The following RPSA2 variants were observed in gnomAD, a reference collection of about 807,000 sequenced individuals.
RPSA2 encodes the protein ribosomal protein SA 2.
At chr19:23,845,755 G>C in the RPSA2 span, among the ~76,000 whole-genome samples, 1 of 152,186 alleles carries the variant, frequency 6.6e-6, no homozygotes, top group Non-Finnish European at 1.5e-5. Flanking sequence ...GCCTCACAAA[G>C]TGCTGGGATT....
At chr19:23,826,960 G>A in the RPSA2 span, 5 of 577,030 alleles carry the variant, frequency 8.7e-6, no homozygotes, top group Non-Finnish European at 1.5e-5. Flanking sequence ...AAAGTGCTGG[G>A]ATTACAGGTG....
chr19:23,790,394 T>A, the RPSA2 span, among the ~76,000 whole-genome samples: 11 of 152,044 alleles, frequency 7.2e-5, no homozygotes, highest in African/African-American at 2.7e-4. Flanking sequence ...AAAAAGAGAA[T>A]TTTCCCATGT....
chr19:23,758,625 T>C, the RPSA2 span: 1 of 1,474,254 alleles, frequency 6.8e-7, no homozygotes, highest in East Asian at 2.3e-5. Flanking sequence ...ATGGTCCAAG[T>C]GGACTGAGGC....
At chr19:23,816,895 T>C in the RPSA2 span, among the ~76,000 whole-genome samples, 1 of 152,136 alleles carries the variant, frequency 6.6e-6, no homozygotes, top group Non-Finnish European at 1.5e-5. Flanking sequence ...CATGATTCAA[T>C]TACCTTCCAC....
At chr19:23,778,685 G>A in the RPSA2 span, among the ~76,000 whole-genome samples, 1 of 152,186 alleles carries the variant, frequency 6.6e-6, no homozygotes, top group Admixed American at 6.5e-5. Context: ...CATGATCCCA[G>A]CCCACACCGC....
At chr19:23,830,582 T>TCC in the RPSA2 span, among the ~76,000 whole-genome samples, 8 of 5,188 alleles carry the variant, frequency 1.5e-3, no homozygotes, top group Non-Finnish European at 6.2e-3. Context: ...ACATCATATT[T>TCC]TCTTTTAGGA....
chr19:23,804,006 C>T, the RPSA2 span, among the ~76,000 whole-genome samples: 1 of 152,070 alleles, frequency 6.6e-6, no homozygotes, highest in Non-Finnish European at 1.5e-5. Context: ...TATAAACTCA[C>T]AGGGTTTTAT....
chr19:23,856,032 A>G, the RPSA2 span, among the ~76,000 whole-genome samples: 82 of 152,240 alleles, frequency 5.4e-4, no homozygotes, highest in African/African-American at 1.7e-3. Context: ...CAAAGTCACC[A>G]GAGTTAGATA....
At chr19:23,826,013 T>C in the RPSA2 span, among the ~76,000 whole-genome samples, 1 of 120,878 alleles carries the variant, frequency 8.3e-6, no homozygotes, top group Non-Finnish European at 1.7e-5. Flanking sequence ...CTTTTAGTTA[T>C]TATTGTTTAT....
At chr19:23,866,520 C>T in the RPSA2 span, among the ~76,000 whole-genome samples, 2 of 147,538 alleles carry the variant, frequency 1.4e-5, no homozygotes, top group African/African-American at 4.9e-5. Context: ...GGTGCCCCCC[C>T]CCGCCCAGTG....
the RPSA2 span, among the ~76,000 whole-genome samples, chr19:23,801,985 A>G: frequency 6.6e-6 from 1 of 152,164 alleles, no homozygotes; most frequent in Non-Finnish European, 1.5e-5. Flanking sequence ...ATGCAAAGTG[A>G]TGTTGATTTT....
the RPSA2 span, among the ~76,000 whole-genome samples, chr19:23,861,651 C>G: frequency 6.6e-5 from 10 of 152,120 alleles, no homozygotes; most frequent in African/African-American, 1.9e-4. Context: ...CCCCGTCAGT[C>G]AGTTCACGTA....
chr19:23,795,284 T>A, the RPSA2 span, among the ~76,000 whole-genome samples: 1 of 152,122 alleles, frequency 6.6e-6, no homozygotes, highest in Non-Finnish European at 1.5e-5. Context: ...ATTTTTAGGA[T>A]ATTGATATTT....
chr19:23,762,839 C>G, the RPSA2 span: 6 of 152,182 alleles, frequency 3.9e-5, no homozygotes, highest in Non-Finnish European at 7.3e-5. Flanking sequence ...CTTTACTGTC[C>G]GTAAAATGCC....
the RPSA2 span, chr19:23,759,022 T>G: frequency 1.8e-6 from 1 of 549,650 alleles, no homozygotes; most frequent in Non-Finnish European, 3.2e-6. Flanking sequence ...TGACAGAAGA[T>G]GTGATCAGAT....
chr19:23,824,584 T>TTTTTTTTTTTTC, the RPSA2 span, among the ~76,000 whole-genome samples: 1 of 1,434 alleles, frequency 7.0e-4, no homozygotes, highest in Non-Finnish European at 9.3e-3. Context: ...GCATTTCTTT[T>TTTTTTTTTTTTC]TTTTTTTTTT....
At chr19:23,860,004 G>A in the RPSA2 span, among the ~76,000 whole-genome samples, 1 of 152,114 alleles carries the variant, frequency 6.6e-6, no homozygotes, top group African/African-American at 2.4e-5. Flanking sequence ...TCTTAAAAAA[G>A]GGAAAATGTA....
chr19:23,811,584 T>C, the RPSA2 span, among the ~76,000 whole-genome samples: 3 of 152,188 alleles, frequency 2.0e-5, no homozygotes, highest in Admixed American at 6.5e-5. Flanking sequence ...ACTTTAAATT[T>C]GTCTGCAATT....
the RPSA2 span, among the ~76,000 whole-genome samples, chr19:23,778,361 C>T: frequency 9.9e-5 from 15 of 152,234 alleles, no homozygotes; most frequent in African/African-American, 3.6e-4. Flanking sequence ...TACAGGCCTG[C>T]ACCACCACGC....
Sources: allele counts gnomAD v4.1 joint callset (sites outside exome capture counted in the v4.1 genomes callset), GRCh38; gene constraint gnomAD v4.1.1; transcripts MANE v1.5; gene names NCBI Gene and HGNC (gene_info 2026-07-23, HGNC 2026-07-21).